Variants in SKAP2 observed in about 807,000 individuals in gnomAD.
SKAP2 encodes the protein src kinase associated phosphoprotein 2.
In SKAP2, 28 loss-of-function variants were observed where a neutral mutation model predicts 54.9. The ratio of observed to expected loss-of-function variants is 0.51; its 90% confidence interval spans 0.38 to 0.70. The LOEUF (loss-of-function observed/expected upper bound fraction) is 0.70, where lower values mean the gene tolerates loss of function less well. Among genes scored for constraint, SKAP2 ranks in the 30% least tolerant of loss-of-function variants. The probability of loss-of-function intolerance (pLI) is 0.00; values close to 1 mark genes in which losing one functional copy is unlikely to be tolerated. For synonymous variants in SKAP2, 137 were observed against 134.3 expected (o/e 1.02, Z -0.14); for missense variants, 356 against 424.1 (o/e 0.84, Z 1.41).
At chr7:26,825,995 C>T (rs1247715221) in intron 4 of SKAP2, among the ~76,000 whole-genome samples, 2 of 151,966 alleles carry the variant, frequency 1.3e-5, no homozygotes, top group Non-Finnish European at 2.9e-5. Context: ...TTAAGACTAC[C>T]TCAGTTTTCC....
At chr7:26,823,402 G>A (rs1181570037) in intron 4 of SKAP2, among the ~76,000 whole-genome samples, 3 of 135,430 alleles carry the variant, frequency 2.2e-5, no homozygotes, top group Non-Finnish European at 3.1e-5. Context: ...CTCCAGCCTC[G>A]GCAACAGAGT....
the SKAP2 span, among the ~76,000 whole-genome samples, chr7:26,657,210 T>C: frequency 6.6e-6 from 1 of 152,234 alleles, no homozygotes; most frequent in Admixed American, 6.5e-5. Flanking sequence ...GTATCAGCTA[T>C]ATTATTTGCC....
rs1291649777 is a variant in SKAP2 at position 26,697,486 on chromosome 7, A to C, written c.797-7124T>G. 7.2e-5 allele frequency among the ~76,000 whole-genome samples: 11 copies of C among 152,316 alleles called. No homozygotes were observed. The East Asian group carries it at 2.1e-3, about 29-fold the overall frequency. On this transcript the variant is annotated intron_variant, in intron 9 of 12. Coordinates refer to ENST00000345317, the MANE Select transcript of SKAP2 (RefSeq NM_003930.5). ...CCATTGAATTATTCACTGTATGATAAAAATTCTCCTTTACAACCCAAATTC... is the reference window on the plus strand; with the variant it reads ...CCATTGAATTATTCACTGTATGATACAAATTCTCCTTTACAACCCAAATTC...
At position 26,720,348 on chromosome 7, in the gene SKAP2, C is replaced by A. The variant is rs147086736; in HGVS notation, c.796+5080G>T. Among the ~76,000 whole-genome samples the A allele has an allele frequency of 5.1e-4, 78 of 152,266 alleles. 1 individual carries two copies. The East Asian group carries it at 0.015, about 29-fold the overall frequency. On this transcript the variant is annotated intron_variant, in intron 9 of 12. Transcript: ENST00000345317. ...GAGAAAAGCTACAAGACAGGCAGAA[C>A]TGTATTCCAAAGCTTCATACTATAT...
intron 4 of SKAP2, among the ~76,000 whole-genome samples, chr7:26,765,028 G>T (rs1030509512): frequency 6.6e-6 from 1 of 152,076 alleles, no homozygotes; most frequent in African/African-American, 2.4e-5. Flanking sequence ...TGGTATTTCT[G>T]GTTCTAGATC....
At chr7:26,792,262 T>C (rs1345655173) in intron 4 of SKAP2, among the ~76,000 whole-genome samples, 3 of 152,210 alleles carry the variant, frequency 2.0e-5, no homozygotes, top group Non-Finnish European at 2.9e-5. Flanking sequence ...TATCTTATCA[T>C]GACTGTGCAA....
rs976936544 is a variant in SKAP2, at chr7:26,775,464, C to T, written c.308-35500G>A. ...ATTTTACAAAACTATAGTATAATTA[C>T]ACAACCAGGATACTGACATTGACAC... On this transcript the variant is annotated intron_variant, in intron 4 of 12. Transcript: ENST00000345317. Among the ~76,000 whole-genome samples, 10 of 152,130 alleles carry T rather than the reference C, an allele frequency of 6.6e-5. 1 individual carries two copies. Among genetic ancestry groups the T allele is most frequent in the Non-Finnish European group, 1.3e-4 (9 of 68,012 alleles).
chr7:26,768,682 G>C (rs1392786164), intron 4 of SKAP2, among the ~76,000 whole-genome samples: 1 of 152,102 alleles, frequency 6.6e-6, no homozygotes, highest in African/African-American at 2.4e-5. Flanking sequence ...GCATTTGCTT[G>C]TCTGTAAAGG....
At chr7:26,789,620 C>A (rs374838518) in intron 4 of SKAP2, among the ~76,000 whole-genome samples, 1 of 152,032 alleles carries the variant, frequency 6.6e-6, no homozygotes, top group Non-Finnish European at 1.5e-5. Flanking sequence ...TTCATTTTCT[C>A]GCAAAATAAT....
At chr7:26,673,176 G>A (rs1259762530) in intron 11 of SKAP2, among the ~76,000 whole-genome samples, 1 of 152,040 alleles carries the variant, frequency 6.6e-6, no homozygotes, top group Non-Finnish European at 1.5e-5. Context: ...TCTTTGAAAT[G>A]TTAGGAAGCA....
At chr7:26,734,171 T>C (rs1218245066) in intron 6 of SKAP2, among the ~76,000 whole-genome samples, 16 of 152,220 alleles carry the variant, frequency 1.1e-4, no homozygotes, top group Admixed American at 1.0e-3. Flanking sequence ...CAGCCCTGTG[T>C]TGACCTCTCT....
At chr7:26,734,024 A>G (rs1011085245) in intron 6 of SKAP2, among the ~76,000 whole-genome samples, 11 of 152,174 alleles carry the variant, frequency 7.2e-5, no homozygotes, top group African/African-American at 2.2e-4. Flanking sequence ...AAAAACACAC[A>G]ATAGTTTAGA....
chr7:26,835,698 T>C (rs545296671), intron 4 of SKAP2, among the ~76,000 whole-genome samples: 72 of 151,912 alleles, frequency 4.7e-4, no homozygotes, highest in Non-Finnish European at 7.8e-4. Context: ...AGAGAACACA[T>C]ACAAATGGAA....
chr7:26,782,838 G>A (rs915124378), intron 4 of SKAP2, among the ~76,000 whole-genome samples: 4 of 152,184 alleles, frequency 2.6e-5, no homozygotes, highest in African/African-American at 7.2e-5. Flanking sequence ...CACCATTTAT[G>A]AGAAATAAGC....
chr7:26,663,682 G>A (rs1786057871), downstream of SKAP2, among the ~76,000 whole-genome samples: 1 of 152,086 alleles, frequency 6.6e-6, no homozygotes, highest in Admixed American at 6.6e-5. Flanking sequence ...ACAACTATTT[G>A]AGACAGAAGC....
chr7:26,730,428 T>A (rs1787798915), intron 6 of SKAP2, among the ~76,000 whole-genome samples: 1 of 152,226 alleles, frequency 6.6e-6, no homozygotes, highest in African/African-American at 2.4e-5. Context: ...GCCAAAACTT[T>A]TAAAAATGTT....
chr7:26,744,867 T>G (rs1422534474), intron 4 of SKAP2, among the ~76,000 whole-genome samples: 1 of 152,134 alleles, frequency 6.6e-6, no homozygotes, highest in Admixed American at 6.5e-5. Flanking sequence ...ATTTTCAAAA[T>G]AGACATGTTT....
At chr7:26,748,577 C>A (rs1269250109) in intron 4 of SKAP2, among the ~76,000 whole-genome samples, 1 of 152,034 alleles carries the variant, frequency 6.6e-6, no homozygotes, top group Non-Finnish European at 1.5e-5. Flanking sequence ...CTGCCTATAT[C>A]TTAGTCATCT....
intron 3 of SKAP2, among the ~76,000 whole-genome samples, chr7:26,845,021 T>C (rs750299377): frequency 1.3e-5 from 2 of 152,214 alleles, no homozygotes; most frequent in African/African-American, 2.4e-5. Context: ...TAAGCATTCA[T>C]TTGTCACCCG....
Sources: allele counts gnomAD v4.1 joint callset (sites outside exome capture counted in the v4.1 genomes callset), GRCh38; gene constraint gnomAD v4.1.1; transcripts MANE v1.5; gene names NCBI Gene and HGNC (gene_info 2026-07-23, HGNC 2026-07-21).